The following ANKS1B variants were observed in gnomAD, a reference collection of about 807,000 sequenced individuals.
ANKS1B encodes the protein ankyrin repeat and sterile alpha motif domain-containing protein 1B.
ANKS1B carries 36 observed loss-of-function variants against 148.3 expected under a neutral mutation model. The observed-to-expected ratio is 0.24, with a 90% CI of 0.19 to 0.32. The LOEUF (loss-of-function observed/expected upper bound fraction) is 0.32. ANKS1B is among the 10% of genes least tolerant of loss of function. The probability of loss-of-function intolerance (pLI) is 1.00; values close to 1 mark genes in which losing one functional copy is unlikely to be tolerated. For synonymous variants in ANKS1B, 542 were observed against 560.8 expected (o/e 0.97, Z 0.47); for missense variants, 1,157 against 1,542.6 (o/e 0.75, Z 4.19).
intron 1 of ANKS1B, among the ~76,000 whole-genome samples, chr12:99,938,376 T>A (rs186610134): frequency 3.8e-4 from 58 of 152,256 alleles, no homozygotes; most frequent in East Asian, 1.7e-3. Context: ...GAGAACTAAG[T>A]ACTGGCAAAT....
At chr12:99,836,405 A>G (rs912382180) in intron 1 of ANKS1B, among the ~76,000 whole-genome samples, 7 of 152,162 alleles carry the variant, frequency 4.6e-5, no homozygotes, top group African/African-American at 1.4e-4. Flanking sequence ...GCACATCAGG[A>G]GCATCATAGT....
At chr12:99,539,903 T>C (rs2097108818) in intron 9 of ANKS1B, among the ~76,000 whole-genome samples, 1 of 152,032 alleles carries the variant, frequency 6.6e-6, no homozygotes, top group African/African-American at 2.4e-5. Context: ...ATGATCCACA[T>C]GTTGTCCATA....
intron 12 of ANKS1B, among the ~76,000 whole-genome samples, chr12:99,393,022 T>A (rs752944568): frequency 1.1e-4 from 16 of 152,158 alleles, no homozygotes; most frequent in Non-Finnish European, 1.9e-4. Context: ...TGGTCCCTTT[T>A]ATTTTCTTAT....
At chr12:98,916,641 GA>G (rs1380389110) in intron 17 of ANKS1B, among the ~76,000 whole-genome samples, 1 of 152,182 alleles carries the variant, frequency 6.6e-6, no homozygotes, top group Non-Finnish European at 1.5e-5. Flanking sequence ...ACAAAATATC[GA>G]CAGCATAAGC....
intron 15 of ANKS1B, among the ~76,000 whole-genome samples, chr12:99,130,416 T>C (rs954109182): frequency 2.0e-5 from 3 of 152,224 alleles, no homozygotes; most frequent in African/African-American, 7.2e-5. Flanking sequence ...TTGCTTAGGC[T>C]GAATTCATCC....
At chr12:99,324,989 A>G (rs547024228) in intron 12 of ANKS1B, among the ~76,000 whole-genome samples, 1 of 152,226 alleles carries the variant, frequency 6.6e-6, no homozygotes, top group Non-Finnish European at 1.5e-5. Context: ...ATTGGTAAAT[A>G]CACCTCATTC....
intron 17 of ANKS1B, among the ~76,000 whole-genome samples, chr12:98,855,161 G>A (rs1014045329): frequency 2.4e-5 from 3 of 127,110 alleles, no homozygotes; most frequent in Admixed American, 7.6e-5. Flanking sequence ...GCGAGACTCC[G>A]TCTCAAAAAA....
chr12:99,226,673 A>C (rs1403604166), intron 14 of ANKS1B, among the ~76,000 whole-genome samples: 2 of 152,218 alleles, frequency 1.3e-5, no homozygotes, highest in African/African-American at 4.8e-5. Context: ...AAAACCGTGG[A>C]AATGTCCTTT....
intron 1 of ANKS1B, among the ~76,000 whole-genome samples, chr12:99,901,262 A>G (rs2093589453): frequency 6.6e-6 from 1 of 152,200 alleles, no homozygotes; most frequent in South Asian, 2.1e-4. Flanking sequence ...GAATCACAAC[A>G]CAGTTCACCC....
chr12:99,067,465 G>T (rs2044740036), intron 16 of ANKS1B, among the ~76,000 whole-genome samples: 1 of 152,200 alleles, frequency 6.6e-6, no homozygotes, highest in African/African-American at 2.4e-5. Context: ...AGTATGAAGA[G>T]GACTGAGAGC....
chr12:99,430,765 G>A (rs1265974915), intron 11 of ANKS1B, among the ~76,000 whole-genome samples: 2 of 152,176 alleles, frequency 1.3e-5, no homozygotes, highest in Admixed American at 6.5e-5. Flanking sequence ...CACCTTGTAG[G>A]TTGGCTAGCT....
chr12:99,062,354 C>T (rs2042725912), intron 16 of ANKS1B, among the ~76,000 whole-genome samples: 1 of 152,116 alleles, frequency 6.6e-6, no homozygotes, highest in African/African-American at 2.4e-5. Flanking sequence ...TTTCTGACAG[C>T]TGAAATCATG....
chr12:99,257,559 G>T (rs1448083943), intron 12 of ANKS1B, among the ~76,000 whole-genome samples: 1 of 151,616 alleles, frequency 6.6e-6, no homozygotes, highest in Non-Finnish European at 1.5e-5. Context: ...TAATGATAAG[G>T]CATATTATTT....
chr12:99,720,951 G>A (rs950461270), intron 8 of ANKS1B, among the ~76,000 whole-genome samples: 3 of 152,170 alleles, frequency 2.0e-5, no homozygotes, highest in Admixed American at 2.0e-4. Flanking sequence ...TGCTGGCAGG[G>A]CTATGCTGAA....
At chr12:99,606,727 A>G (rs1048119490) in intron 9 of ANKS1B, among the ~76,000 whole-genome samples, 4 of 152,150 alleles carry the variant, frequency 2.6e-5, no homozygotes, top group Admixed American at 1.3e-4. Flanking sequence ...TGACAAGTTC[A>G]TTTATAAACA....
At chr12:99,213,231 TTC>T (rs1445740015) in intron 14 of ANKS1B, among the ~76,000 whole-genome samples, 1 of 152,168 alleles carries the variant, frequency 6.6e-6, no homozygotes, top group Non-Finnish European at 1.5e-5. Context: ...CACGGCCTGC[TTC>T]TCTCTACCCA....
At chr12:98,828,306 C>A (rs2099267058) in intron 19 of ANKS1B, among the ~76,000 whole-genome samples, 1 of 152,174 alleles carries the variant, frequency 6.6e-6, no homozygotes. Flanking sequence ...AAAATAAAAT[C>A]TCACTAAACA....
In ANKS1B at chr12:99,663,720, A is replaced by G. The variant is rs553807149; in HGVS notation, c.1129-8510T>C. Among the ~76,000 whole-genome samples, 4 of 152,288 alleles carry G rather than the reference A, an allele frequency of 2.6e-5. No individual in the cohort carries two copies. In the South Asian group the frequency reaches 8.3e-4, roughly 32 times the overall value. On this transcript the variant is annotated intron_variant, in intron 8 of 26. Coordinates refer to ENST00000683438, the MANE Select transcript of ANKS1B (RefSeq NM_001352186.2). ...TTAAACTTGAGGATTTGCCAGTGCCAAATGTATTTCACATTTATTGAAGGA... is the reference window on the plus strand; with the variant it reads ...TTAAACTTGAGGATTTGCCAGTGCCGAATGTATTTCACATTTATTGAAGGA...
intron 1 of ANKS1B, among the ~76,000 whole-genome samples, chr12:99,945,550 C>A (rs1047582963): frequency 1.2e-4 from 19 of 152,130 alleles, no homozygotes; most frequent in African/African-American, 4.6e-4. Context: ...GGATATATTT[C>A]ATTCTTCAAA....
Sources: gnomAD v4.1 joint callset for allele counts (sites outside exome capture counted in the v4.1 genomes callset) on GRCh38, gnomAD v4.1.1 for gene constraint, MANE v1.5 for transcripts, NCBI Gene and HGNC (gene_info 2026-07-23, HGNC 2026-07-21) for gene names.